FAM83D: variants seen among roughly 807,000 people sequenced by gnomAD.
FAM83D encodes protein FAM83D.
Under a neutral mutation model 25.4 loss-of-function variants are expected in FAM83D, and 26 were observed. That is an observed-to-expected ratio of 1.02 (90% CI 0.75 to 1.42). The LOEUF (loss-of-function observed/expected upper bound fraction) is 1.42. Among genes scored for constraint, FAM83D ranks in the 40% most tolerant of loss-of-function variants. The pLI, the probability that FAM83D is intolerant of heterozygous loss-of-function variation, is 0.00. For missense variants in FAM83D, 740 were observed against 758.1 expected (o/e 0.98, Z 0.28); for synonymous variants, 310 against 318.5 (o/e 0.97, Z 0.28).
chr20:38,932,777 G>A (rs2085663624), intron 1 of FAM83D, among the ~76,000 whole-genome samples: 1 of 152,208 alleles, frequency 6.6e-6, no homozygotes, highest in South Asian at 2.1e-4. Flanking sequence ...GGCAAAGCTG[G>A]TACCACCACG....
chr20:38,940,485 C>T (rs757776925), intron 1 of FAM83D, among the ~76,000 whole-genome samples: 1 of 152,202 alleles, frequency 6.6e-6, no homozygotes, highest in Non-Finnish European at 1.5e-5. Flanking sequence ...GCCTTTGCTG[C>T]AGGAGAAGGA....
At position 38,927,418 on chromosome 20, in the gene FAM83D, C is replaced by T. The variant is rs909236118; in HGVS notation, c.483+493C>T. 2.6e-5 allele frequency among the ~76,000 whole-genome samples: 4 copies of T among 151,650 alleles called. No homozygotes were observed. In the East Asian group the frequency reaches 7.8e-4, roughly 29 times the overall value. ...AGGAAGCAATTATTATTGCTAATTA[C>T]TTTCATGCATCTTTTGCTGTAAAAA... On this transcript the variant is annotated intron_variant, in intron 1 of 3. Coordinates refer to ENST00000619850, the MANE Select transcript of FAM83D (RefSeq NM_030919.3).
chr20:38,930,845 C>T (rs1234952315), intron 1 of FAM83D, among the ~76,000 whole-genome samples: 5 of 152,154 alleles, frequency 3.3e-5, no homozygotes, highest in Admixed American at 6.5e-5. Flanking sequence ...GCCATGTTGG[C>T]CAGGCTGGTC....
At chr20:38,941,298 A>C (rs2085700972) in intron 1 of FAM83D, among the ~76,000 whole-genome samples, 1 of 152,292 alleles carries the variant, frequency 6.6e-6, no homozygotes, top group East Asian at 1.9e-4. Context: ...GAAAGAACAG[A>C]ATGTTAACAA....
chr20:38,934,493 CAA>C (rs34435879), intron 1 of FAM83D, among the ~76,000 whole-genome samples: 18 of 78,016 alleles, frequency 2.3e-4, no homozygotes, highest in Admixed American at 1.4e-4. Flanking sequence ...AACTCCGTCT[CAA>C]AAAAAAAAAA....
At chr20:38,930,876 T>A (rs1404834038) in intron 1 of FAM83D, among the ~76,000 whole-genome samples, 1 of 152,170 alleles carries the variant, frequency 6.6e-6, no homozygotes, top group Non-Finnish European at 1.5e-5. Context: ...GACCTCGCGA[T>A]CTGCCTGCCT....
At chr20:38,939,203 A>T (rs1006648482) in intron 1 of FAM83D, among the ~76,000 whole-genome samples, 3 of 151,966 alleles carry the variant, frequency 2.0e-5, no homozygotes, top group Non-Finnish European at 4.4e-5. Context: ...CACTTCTCCC[A>T]TGCCCTTGTC....
chr20:38,952,091 G>A lies in FAM83D; in HGVS notation c.1329G>A (p.Gln443=). Residue 443 remains glutamine (Q), a synonymous_variant, in exon 4 of 4, where the codon CAG becomes CAA. Coordinates refer to ENST00000619850, the MANE Select transcript of FAM83D (RefSeq NM_030919.3). ...TTTGGTCCAGATCGACCACTACTCA[G>A]ACTGACATGGATGAGAACATTCTCT... ...TTIWSRSTTT[Q]TDMDENILFP... 6.2e-7 allele frequency: 1 copy of A among 1,614,214 alleles called. No individual in the cohort carries two copies. The highest frequency in any genetic ancestry group is 2.2e-5 in the East Asian group (1 of 44,880).
Position 38,952,093 on chromosome 20 carries a change from C to G in FAM83D, c.1331C>G (p.Thr444Ser). ...TGGTCCAGATCGACCACTACTCAGA[C>G]TGACATGGATGAGAACATTCTCTTT... Reference protein sequence around the residue: ...TIWSRSTTTQTDMDENILFPR... With the variant: ...TIWSRSTTTQSDMDENILFPR... Residue 444 changes from threonine (T) to serine (S), a missense_variant, in exon 4 of 4, where the codon ACT becomes AGT. This residue lies in a region of FAM83D where 375 missense variants were observed against 403.2 expected (regional missense o/e 0.93). Coordinates refer to ENST00000619850, the MANE Select transcript of FAM83D (RefSeq NM_030919.3). 1 of 1,614,256 alleles carries G rather than the reference C, an allele frequency of 6.2e-7. No individual in the cohort carries two copies. Among genetic ancestry groups the G allele is most frequent in the Non-Finnish European group, 8.5e-7 (1 of 1,180,040 alleles).
intron 1 of FAM83D, among the ~76,000 whole-genome samples, chr20:38,941,630 A>T (rs1435760240): frequency 6.6e-6 from 1 of 152,092 alleles, no homozygotes; most frequent in African/African-American, 2.4e-5. Flanking sequence ...GTAAGACAGG[A>T]GTTTAGTGGA....
chr20:38,951,723 T>G lies in FAM83D; in HGVS notation c.961T>G (p.Ser321Ala). ...FDHLTNRKPQ[S>A]KELTLGNLLR... The stretch of plus-strand genomic sequence containing the variant: ...TCACCTCACCAACCGAAAACCACAG[T>G]CCAAGGAGCTCACCCTGGGCAACCT... Residue 321 changes from serine to alanine, a missense_variant, in exon 4 of 4, where the codon TCC becomes GCC. Ser to Ala is a moderately conservative substitution (Grantham distance 99). Coordinates refer to ENST00000619850, the MANE Select transcript of FAM83D (RefSeq NM_030919.3). 1 of 1,614,056 alleles carries G rather than the reference T, an allele frequency of 6.2e-7. No homozygotes were observed. The highest frequency in any genetic ancestry group is 8.5e-7 in the Non-Finnish European group (1 of 1,180,004).
chr20:38,949,164 C>CTTT (rs11428579), intron 3 of FAM83D, among the ~76,000 whole-genome samples: 4 of 141,350 alleles, frequency 2.8e-5, no homozygotes, highest in African/African-American at 7.9e-5. Context: ...TGAAGGCTTT[C>CTTT]TTTTTTTTTT....
Position 38,951,761 on chromosome 20 carries a change from G to T in FAM83D, c.999G>T (p.Arg333=). The T allele has an allele frequency of 1.9e-6, 3 of 1,614,178 alleles. No homozygotes were observed. The highest frequency in any genetic ancestry group is 2.5e-6 in the Non-Finnish European group (3 of 1,180,034). Residue 333 remains arginine (R), a synonymous_variant, in exon 4 of 4, where the codon CGG becomes CGT. Transcript: ENST00000619850. ...CCCTGGGCAACCTGCTGCGGATGCGGCTGGCTAGGCTGTCAAGTACTCCCA... is the reference window on the plus strand; with the variant it reads ...CCCTGGGCAACCTGCTGCGGATGCGTCTGGCTAGGCTGTCAAGTACTCCCA... The part of the protein sequence containing the change: ...ELTLGNLLRM[R]LARLSSTPRK...
chr20:38,944,660 C>T (rs570878738), intron 2 of FAM83D, among the ~76,000 whole-genome samples: 1 of 152,258 alleles, frequency 6.6e-6, no homozygotes, highest in African/African-American at 2.4e-5. Context: ...CTATTTCTGG[C>T]CGGGCGCGGT....
Position 38,926,848 on chromosome 20 carries a change from C to A in FAM83D, c.406C>A (p.Gln136Lys). The A allele has an allele frequency of 6.5e-7, 1 of 1,528,254 alleles. No individual in the cohort carries two copies. The highest frequency in any genetic ancestry group is 8.7e-7 in the Non-Finnish European group (1 of 1,143,014). 94.7% of individuals were successfully genotyped at this position (1,528,254 alleles called of 1,614,324 possible). A position where few individuals can be genotyped will look rare whatever the true frequency, so the allele number is the denominator to read the frequency against. ...RGATRVETHF[Q>K]PRGAGEGGPY... Reference sequence around the variant, plus strand: ...CGCCACGCGTGTCGAGACGCACTTCCAGCCCCGCGGCGCTGGCGAAGGTGG... The same window carrying A: ...CGCCACGCGTGTCGAGACGCACTTCAAGCCCCGCGGCGCTGGCGAAGGTGG... Residue 136 changes from glutamine to lysine, a missense_variant, in exon 1 of 4, where the codon CAG becomes AAG. By Grantham distance (53) the Gln-to-Lys change is moderately conservative. Around this residue, in one of 3 missense-constraint regions of FAM83D, gnomAD observed 333 missense variants for 298.6 expected, o/e 1.12. Transcript: ENST00000619850.
intron 2 of FAM83D, 47 bp downstream of exon 2, chr20:38,942,173 C>G (rs373907982): frequency 6.3e-7 from 1 of 1,594,462 alleles, no homozygotes; most frequent in Non-Finnish European, 8.6e-7. Context: ...ACAAATATGA[C>G]CAAGCATCCA....
At chr20:38,936,438 A>T (rs748586802) in intron 1 of FAM83D, among the ~76,000 whole-genome samples, 42 of 152,092 alleles carry the variant, frequency 2.8e-4, no homozygotes, top group Non-Finnish European at 4.9e-4. Flanking sequence ...GCTGCCATTT[A>T]AGGGCTTTCC....
rs762790312 is a variant in FAM83D at position 38,942,012 on chromosome 20, G to A, written c.537G>A (p.Leu179=). The change falls in exon 2 of 4, where the codon CTG becomes CTA. Residue 179 remains leucine (L), a synonymous_variant. Transcript: ENST00000619850. ...CAGACATCGACATCTTCAGAGACCT[G>A]CAAGAAATATGCAGGAAACAGGGAG... ...VFTDIDIFRD[L]QEICRKQGVA... 3.2e-5 allele frequency: 52 copies of A among 1,614,100 alleles called. No individual in the cohort carries two copies. Among genetic ancestry groups the A allele is most frequent in the Non-Finnish European group, 4.1e-5 (48 of 1,180,042 alleles).
intron 1 of FAM83D, among the ~76,000 whole-genome samples, chr20:38,937,086 C>T (rs1164635481): frequency 1.3e-5 from 2 of 152,220 alleles, no homozygotes; most frequent in Non-Finnish European, 2.9e-5. Flanking sequence ...GGGTCCTGGT[C>T]AGCAGGCCGG....
Sources: gnomAD v4.1 joint callset for allele counts (sites outside exome capture counted in the v4.1 genomes callset) on GRCh38, gnomAD v4.1.1 for gene constraint, gnomAD v4.1.1 regional missense constraint, MANE v1.5 for transcripts, NCBI Gene and HGNC (gene_info 2026-07-23, HGNC 2026-07-21) for gene names.